The following BACH2 variants were observed in gnomAD, a reference collection of about 807,000 sequenced individuals.
BACH2 encodes BACH transcriptional regulator 2.
BACH2 carries 5 observed loss-of-function variants against 61.8 expected under a neutral mutation model. That is an observed-to-expected ratio of 0.08 (90% CI 0.04 to 0.17). The LOEUF is 0.17. Among genes scored for constraint, BACH2 ranks in the 10% least tolerant of loss-of-function variants. The pLI, the probability that BACH2 is intolerant of heterozygous loss-of-function variation, is 1.00. For missense variants in BACH2, 824 were observed against 1,091.1 expected (o/e 0.76, Z 3.45); for synonymous variants, 446 against 440.1 (o/e 1.01, Z -0.17).
At chr6:89,957,856 TTAGA>T (rs760996902) in intron 6 of BACH2, among the ~76,000 whole-genome samples, 6 of 152,234 alleles carry the variant, frequency 3.9e-5, no homozygotes, top group Admixed American at 6.5e-5. Flanking sequence ...ATTATGAATT[TTAGA>T]TAGAGCTTAT....
intron 4 of BACH2, among the ~76,000 whole-genome samples, chr6:90,146,400 T>C (rs111272122): frequency 6.6e-6 from 1 of 152,370 alleles, no homozygotes; most frequent in African/African-American, 2.4e-5. Flanking sequence ...TGTTTTCCAG[T>C]GGTGTCTGTC....
chr6:89,963,820 A>AT (rs1280676169), intron 6 of BACH2, among the ~76,000 whole-genome samples: 2 of 152,372 alleles, frequency 1.3e-5, no homozygotes, highest in African/African-American at 4.8e-5. Flanking sequence ...ATTTCCATTC[A>AT]TGAGTGACTG....
intron 6 of BACH2, among the ~76,000 whole-genome samples, chr6:90,003,906 C>T (rs1777267898): frequency 6.6e-6 from 1 of 152,192 alleles, no homozygotes; most frequent in African/African-American, 2.4e-5. Flanking sequence ...AGACTTCACC[C>T]CTGTTTCCCA....
At chr6:90,168,848 T>C (rs890736489) in intron 4 of BACH2, among the ~76,000 whole-genome samples, 7 of 152,254 alleles carry the variant, frequency 4.6e-5, no homozygotes, top group South Asian at 2.1e-4. Flanking sequence ...CACTACCTTA[T>C]TTCCTGTTCC....
chr6:89,950,631 C>T lies in BACH2; in HGVS notation c.1475G>A (p.Gly492Glu). The change falls in exon 7 of 9, where the codon GGA (glycine) becomes GAA (glutamate). Residue 492 changes from glycine to glutamate, a missense_variant. This residue lies in a region of BACH2 where 102 missense variants were observed against 98.1 expected (regional missense o/e 1.04). Coordinates refer to ENST00000257749, the MANE Select transcript of BACH2 (RefSeq NM_021813.4). This position sits in a 1 kb window ranked among gnomAD's most constrained non-coding sequence, Gnocchi z 5.3. ...GCAGCTGGTGTTGGGCCGCATCCTT[C>T]CTGGCAAGTGGTCGGCCATCAGCCC... ...HGGLMADHLPGRMRPNTSCPV... is the reference protein window; with the variant it reads ...HGGLMADHLPERMRPNTSCPV... The T allele has an allele frequency of 6.2e-7, 1 of 1,614,050 alleles. No individual in the cohort carries two copies. The highest frequency in any genetic ancestry group is 8.5e-7 in the Non-Finnish European group (1 of 1,179,982).
chr6:90,296,805 T>TGCC lies in BACH2; in HGVS notation c.-772_-771insGGC, dbSNP rs1554263885. Reference sequence around the variant, plus strand: ...CGGCCGCTGCTGCCGCTGCTGCTGCTGCTGCTGCTGCTGAGGCGGCGGCGG... The same window carrying TGCC: ...CGGCCGCTGCTGCCGCTGCTGCTGCTGCCGCTGCTGCTGCTGAGGCGGCGGCGG... On this transcript the variant is annotated 5_prime_UTR_variant, in exon 1 of 9. Transcript: ENST00000257749. 6.2e-5 allele frequency: 11 copies of TGCC among 176,748 alleles called. No homozygotes were observed. The highest frequency in any genetic ancestry group is 2.4e-4 in the African/African-American group (10 of 41,686). The allele number at this position is 176,748 out of a possible 1,614,324, so 10.9% of individuals were successfully genotyped here.
chr6:90,144,064 G>C (rs999786504), intron 4 of BACH2, among the ~76,000 whole-genome samples: 3 of 152,170 alleles, frequency 2.0e-5, no homozygotes, highest in Admixed American at 1.3e-4. Context: ...TTCGTTGGAT[G>C]AATGTCATCC....
intron 1 of BACH2, among the ~76,000 whole-genome samples, chr6:90,287,606 C>T (rs535099382): frequency 6.6e-6 from 1 of 152,224 alleles, no homozygotes; most frequent in South Asian, 2.1e-4. Context: ...AAATAATCTT[C>T]TCTTTGTATT....
chr6:90,247,951 CTCTTA>C (rs1189388750), intron 3 of BACH2, among the ~76,000 whole-genome samples: 7 of 152,330 alleles, frequency 4.6e-5, no homozygotes, highest in East Asian at 3.9e-4. Flanking sequence ...TAATTTTACT[CTCTTA>C]TATGTTATAC....
At chr6:90,064,598 G>A (rs1488254380) in intron 5 of BACH2, among the ~76,000 whole-genome samples, 3 of 152,178 alleles carry the variant, frequency 2.0e-5, no homozygotes, top group Middle Eastern at 6.3e-3. Context: ...CTGGAAGCAG[G>A]GGCATCCTAA....
intron 3 of BACH2, among the ~76,000 whole-genome samples, chr6:90,218,816 T>C (rs1769635104): frequency 6.6e-6 from 1 of 152,112 alleles, no homozygotes; most frequent in Admixed American, 6.5e-5. Flanking sequence ...AAACTTCAAA[T>C]GCAGGGCCTC....
intron 1 of BACH2, among the ~76,000 whole-genome samples, chr6:90,272,280 A>C (rs1182004484): frequency 1.4e-5 from 2 of 138,198 alleles, no homozygotes; most frequent in Admixed American, 7.2e-5. Context: ...TCCTCTTTTT[A>C]TTCTCCTCTC....
intron 3 of BACH2, among the ~76,000 whole-genome samples, chr6:90,212,305 C>G (rs1769381956): frequency 6.6e-6 from 1 of 152,140 alleles, no homozygotes; most frequent in Non-Finnish European, 1.5e-5. Context: ...ACTCCTGCCC[C>G]CTTCCCCCAA....
In BACH2 at chr6:89,931,937, ATATATATATATATATATATATTT is replaced by A. The variant is rs1772672669; in HGVS notation, c.*448_*470del. The A allele has an allele frequency of 3.8e-3, 1 of 264 alleles. No homozygotes were observed. The highest frequency in any genetic ancestry group is 0.016 in the Non-Finnish European group (1 of 62). 0.0% of individuals were successfully genotyped at this position (264 alleles called of 1,614,324 possible). A position where few individuals can be genotyped will look rare whatever the true frequency, so the allele number is the denominator to read the frequency against. ...GCATGCAGGACTTTTGCATATGGATATATATATATATATATATATATTTTATATATATATTATATATAATATGT... is the reference window on the plus strand; with the variant it reads ...GCATGCAGGACTTTTGCATATGGATATATATATATATTATATATAATATGT... On this transcript the variant is annotated 3_prime_UTR_variant, in exon 9 of 9. Transcript: ENST00000257749.
chr6:90,076,662 G>C (rs984117353), intron 5 of BACH2, among the ~76,000 whole-genome samples: 1 of 152,118 alleles, frequency 6.6e-6, no homozygotes, highest in Non-Finnish European at 1.5e-5. Context: ...TTACTAGAGT[G>C]GAATTCCCTC....
At chr6:90,037,156 C>G (rs1246140879) in intron 5 of BACH2, among the ~76,000 whole-genome samples, 4 of 152,100 alleles carry the variant, frequency 2.6e-5, no homozygotes. Flanking sequence ...AGACACATAC[C>G]ACACCCTGCG....
intron 5 of BACH2, among the ~76,000 whole-genome samples, chr6:90,060,072 G>A (rs143461778): frequency 4.7e-4 from 71 of 150,926 alleles, no homozygotes; most frequent in South Asian, 2.1e-4. Flanking sequence ...ACATGTATAC[G>A]TATGTAACGA....
intron 5 of BACH2, among the ~76,000 whole-genome samples, chr6:90,079,904 T>C (rs1320395224): frequency 1.3e-5 from 2 of 152,004 alleles, no homozygotes; most frequent in Non-Finnish European, 2.9e-5. Context: ...CCAGTTAGTG[T>C]TTGTACTTTC....
At chr6:90,243,478 T>C (rs576341935) in intron 3 of BACH2, among the ~76,000 whole-genome samples, 77 of 152,314 alleles carry the variant, frequency 5.1e-4, no homozygotes, top group Non-Finnish European at 8.5e-4. Context: ...GCTGTTGCTG[T>C]TTTTGTTATT....
Sources: allele counts gnomAD v4.1 joint callset (sites outside exome capture counted in the v4.1 genomes callset), GRCh38; gene constraint gnomAD v4.1.1; regional missense constraint gnomAD v4.1.1; non-coding constraint Gnocchi (gnomAD v3.1); transcripts MANE v1.5; gene names NCBI Gene and HGNC (gene_info 2026-07-23, HGNC 2026-07-21).